The following PRMT3 variants were observed in gnomAD, a reference collection of about 807,000 sequenced individuals.
The protein encoded by PRMT3 is protein arginine methyltransferase 3.
PRMT3 carries 62 observed loss-of-function variants against 71.9 expected under a neutral mutation model. The ratio of observed to expected loss-of-function variants is 0.86; its 90% CI spans 0.70 to 1.07. PRMT3 has a LOEUF of 1.07. Ranked by LOEUF, PRMT3 falls within the 50% of genes least tolerant of loss-of-function variation. PRMT3 has a pLI of 0.00. For missense variants in PRMT3, 663 were observed against 643.0 expected, an observed-to-expected ratio of 1.03 and a Z score of -0.34; for synonymous variants, 213 against 220.4, an observed-to-expected ratio of 0.97 and a Z score of 0.30.
chr11:20,494,042 GT>G (rs1480207405), intron 14 of PRMT3, 73 bp downstream of exon 14: 1 of 1,459,798 alleles, frequency 6.9e-7, no homozygotes, highest in Non-Finnish European at 9.5e-7. Flanking sequence ...GTGCCCCAAG[GT>G]GTTTAATCAT....
At chr11:20,415,387 C>G (rs1196454987) in intron 9 of PRMT3, among the ~76,000 whole-genome samples, 1 of 152,058 alleles carries the variant, frequency 6.6e-6, no homozygotes, top group Non-Finnish European at 1.5e-5. Context: ...CCCACTAGTT[C>G]AGTGATTTAC....
At chr11:20,426,903 AT>A (rs1849559385) in intron 10 of PRMT3, 38 bp downstream of exon 10, 1 of 1,492,220 alleles carries the variant, frequency 6.7e-7, no homozygotes, top group South Asian at 1.4e-5. Context: ...CACTGGTAAA[AT>A]GAAAAAACTT....
At chr11:20,420,585 C>T (rs1849404341) in intron 9 of PRMT3, among the ~76,000 whole-genome samples, 1 of 152,124 alleles carries the variant, frequency 6.6e-6, no homozygotes, top group East Asian at 1.9e-4. Context: ...GGATCTAGGT[C>T]GTGCATTCCT....
In PRMT3 at chr11:20,413,628, G is replaced by A. The variant is rs150514676; in HGVS notation, c.893+5596G>A. 7.0e-3 allele frequency among the ~76,000 whole-genome samples: 1,072 copies of A among 152,220 alleles called. 16 individuals are homozygous for A. The highest frequency in any genetic ancestry group is 0.024 in the African/African-American group (1,014 of 41,540). On this transcript the variant is annotated intron_variant, in intron 9 of 15. Transcript: ENST00000331079. ...ATCAATGCCTCAAATAATATTTTACGTTTGGGTGGTTATGTTTCTAAGATG... is the reference window on the plus strand; with the variant it reads ...ATCAATGCCTCAAATAATATTTTACATTTGGGTGGTTATGTTTCTAAGATG...
At chr11:20,461,917 A>G (rs968159263) in intron 11 of PRMT3, 63 bp from the exon 12 acceptor site, 3 of 1,360,038 alleles carry the variant, frequency 2.2e-6, no homozygotes, top group Non-Finnish European at 2.9e-6. Context: ...TTAGGCTTTA[A>G]AAAATTATAT....
intron 10 of PRMT3, among the ~76,000 whole-genome samples, chr11:20,436,144 T>G (rs1403590019): frequency 6.6e-6 from 1 of 152,248 alleles, no homozygotes; most frequent in Non-Finnish European, 1.5e-5. Context: ...ATGCTACTGA[T>G]TTTTGAATAT....
chr11:20,425,683 CTCTG>C (rs1345298570), intron 9 of PRMT3, among the ~76,000 whole-genome samples: 1 of 152,098 alleles, frequency 6.6e-6, no homozygotes, highest in Non-Finnish European at 1.5e-5. Flanking sequence ...TAGTATGAAA[CTCTG>C]TCTGTAAAAT....
At chr11:20,402,779 A>T in intron 7 of PRMT3, 140 bp from the exon 8 acceptor site, 1 of 579,302 alleles carries the variant, frequency 1.7e-6, no homozygotes. Context: ...TTTTCTTAGG[A>T]AAAAAATAAG....
At chr11:20,403,090 C>T (rs1016728810) in intron 8 of PRMT3, 106 bp downstream of exon 8, 3 of 837,540 alleles carry the variant, frequency 3.6e-6, no homozygotes, top group Non-Finnish European at 5.8e-6. Flanking sequence ...CATCTTCTGT[C>T]TGTATTTCAT....
chr11:20,486,569 T>TA (rs1399678932), intron 13 of PRMT3, among the ~76,000 whole-genome samples: 1 of 152,014 alleles, frequency 6.6e-6, no homozygotes, highest in Non-Finnish European at 1.5e-5. Context: ...TACACCTACC[T>TA]AATACAGGGC....
chr11:20,438,230 A>G lies in PRMT3; in HGVS notation c.993+11365A>G, dbSNP rs1052613745. Among the ~76,000 whole-genome samples, 6 of 152,248 alleles carry G rather than the reference A, an allele frequency of 3.9e-5. No individual in the cohort carries two copies. The East Asian group carries it at 1.2e-3, about 29-fold the overall frequency. On this transcript the variant is annotated intron_variant, in intron 10 of 15. Coordinates refer to ENST00000331079, the MANE Select transcript of PRMT3 (RefSeq NM_005788.4). Reference sequence around the variant, plus strand: ...ACTGTGGTTTTACTCAAGCCACAGCACTGGCCTGACCCTGGGGAAGCAGGG... The same window carrying G: ...ACTGTGGTTTTACTCAAGCCACAGCGCTGGCCTGACCCTGGGGAAGCAGGG...
At chr11:20,482,684 T>C (rs1850967797) in intron 13 of PRMT3, among the ~76,000 whole-genome samples, 1 of 152,088 alleles carries the variant, frequency 6.6e-6, no homozygotes, top group Admixed American at 6.6e-5. Flanking sequence ...TTCAGGCTTA[T>C]TTTAACTTAG....
At chr11:20,495,802 A>C (rs936601020) in intron 15 of PRMT3, among the ~76,000 whole-genome samples, 6 of 152,186 alleles carry the variant, frequency 3.9e-5, no homozygotes, top group African/African-American at 1.4e-4. Flanking sequence ...AGAGTACAAA[A>C]GCTGAATGTA....
intron 13 of PRMT3, among the ~76,000 whole-genome samples, chr11:20,487,716 G>T (rs1851109900): frequency 6.6e-6 from 1 of 152,144 alleles, no homozygotes; most frequent in Non-Finnish European, 1.5e-5. Flanking sequence ...ATGAATATGG[G>T]TTGTATAAAA....
At chr11:20,473,216 T>C (rs1003037833) in intron 13 of PRMT3, among the ~76,000 whole-genome samples, 3 of 152,174 alleles carry the variant, frequency 2.0e-5, no homozygotes, top group Non-Finnish European at 4.4e-5. Flanking sequence ...GGGTTTTTTG[T>C]GTCTCTATCT....
chr11:20,436,752 A>C (rs1489276481), intron 10 of PRMT3, among the ~76,000 whole-genome samples: 1 of 150,332 alleles, frequency 6.7e-6, no homozygotes, highest in Admixed American at 6.6e-5. Context: ...TTTTTTTTTT[A>C]ATAGTGTCTT....
chr11:20,387,833 G>A lies in PRMT3; in HGVS notation c.28+59G>A. 6.5e-7 allele frequency: 1 copy of A among 1,538,880 alleles called. No homozygotes were observed. The highest frequency in any genetic ancestry group is 8.7e-7 in the Non-Finnish European group (1 of 1,144,738). ...CCAGCCCCAGGCCGCGCCGCTGTGG[G>A]GCCGGTGGAAGACCCTCCGGGACAC... On this transcript the variant is annotated intron_variant, in intron 1 of 15. Coordinates refer to ENST00000331079, the MANE Select transcript of PRMT3 (RefSeq NM_005788.4). The surrounding 1 kb of genome is among the most constrained non-coding windows in gnomAD (Gnocchi z 4.3).
chr11:20,427,932 T>G (rs1849582604), intron 10 of PRMT3, among the ~76,000 whole-genome samples: 1 of 152,248 alleles, frequency 6.6e-6, no homozygotes, highest in Non-Finnish European at 1.5e-5. Context: ...TTTATAAATT[T>G]TGAATAAACA....
rs1437388234 is a variant in PRMT3, at chr11:20,452,211, G to T, written c.1072+3G>T. 6.3e-7 allele frequency: 1 copy of T among 1,594,174 alleles called. No individual in the cohort carries two copies. On this transcript the variant is annotated splice_donor_region_variant and intron_variant, in intron 11 of 15. Coordinates refer to ENST00000331079, the MANE Select transcript of PRMT3 (RefSeq NM_005788.4). ...ATACTTGGCAAAAGGAGGCTCGGGTGAGTATAAAATTCTGGTTTTAATAAT... is the reference window on the plus strand; with the variant it reads ...ATACTTGGCAAAAGGAGGCTCGGGTTAGTATAAAATTCTGGTTTTAATAAT...
Sources: allele counts gnomAD v4.1 joint callset (sites outside exome capture counted in the v4.1 genomes callset), GRCh38; gene constraint gnomAD v4.1.1; non-coding constraint Gnocchi (gnomAD v3.1); transcripts MANE v1.5; gene names NCBI Gene and HGNC (gene_info 2026-07-23, HGNC 2026-07-21).